EYS: variants seen among roughly 807,000 people sequenced by gnomAD.
EYS encodes protein eyes shut homolog.
EYS carries 250 observed loss-of-function variants against 282.1 expected under a neutral mutation model. The observed-to-expected ratio is 0.89, with a 90% CI of 0.80 to 0.98. EYS has a LOEUF of 0.98. Ranked by LOEUF, EYS falls within the 50% of genes least tolerant of loss-of-function variation. The pLI is 0.00. For synonymous variants in EYS, 1,355 were observed against 1,282.9 expected, an observed-to-expected ratio of 1.06 and a Z score of -1.20; for missense variants, 4,016 against 3,709.0, an observed-to-expected ratio of 1.08 and a Z score of -2.15.
chr6:65,416,621 C>T (rs1767249699), intron 5 of EYS, among the ~76,000 whole-genome samples: 2 of 151,814 alleles, frequency 1.3e-5, no homozygotes, highest in African/African-American at 4.8e-5. Flanking sequence ...TATTTTAGAC[C>T]ATTATGTTTT....
intron 12 of EYS, among the ~76,000 whole-genome samples, chr6:65,130,037 T>C (rs960820227): frequency 6.6e-6 from 1 of 151,930 alleles, no homozygotes; most frequent in Non-Finnish European, 1.5e-5. Flanking sequence ...GCCATTATAC[T>C]AAGTGAAGTA....
intron 22 of EYS, among the ~76,000 whole-genome samples, chr6:64,677,705 T>C (rs1769743533): frequency 6.6e-6 from 1 of 152,152 alleles, no homozygotes; most frequent in African/African-American, 2.4e-5. Context: ...CACTGAGGGT[T>C]CTGTAAAAAT....
At position 63,720,532 on chromosome 6, in the gene EYS, A is replaced by G. The variant is rs1477265688; in HGVS notation, c.*64T>C. 1 of 1,230,680 alleles carries G rather than the reference A, an allele frequency of 8.1e-7. No individual in the cohort carries two copies. Among genetic ancestry groups the G allele is most frequent in the Non-Finnish European group, 1.1e-6 (1 of 907,764 alleles). 76.2% of individuals were successfully genotyped at this position (1,230,680 alleles called of 1,614,324 possible). The stretch of plus-strand genomic sequence containing the variant: ...GTTGATTCCCCGTAAGCAATGTATC[A>G]AAGAAATAACTATCAAAATAACTGC... On this transcript the variant is annotated 3_prime_UTR_variant, in exon 43 of 43. Coordinates refer to ENST00000503581, the MANE Select transcript of EYS (RefSeq NM_001142800.2).
chr6:65,485,150 G>A (rs1195823410), intron 5 of EYS, among the ~76,000 whole-genome samples: 6 of 152,168 alleles, frequency 3.9e-5, no homozygotes, highest in Admixed American at 6.5e-5. Flanking sequence ...GAAAATCAAT[G>A]ATGAATATGT....
In EYS at chr6:64,292,801, A is replaced by G. The variant is rs184604729; in HGVS notation, c.6191+14169T>C. 7.2e-5 allele frequency among the ~76,000 whole-genome samples: 11 copies of G among 152,214 alleles called. No homozygotes were observed. The East Asian group carries it at 2.1e-3, about 29-fold the overall frequency. The stretch of plus-strand genomic sequence containing the variant: ...AATAACAATAACTAGAAATGATAAC[A>G]TATATGCTATGTATTTGGCCCCATT... On this transcript the variant is annotated intron_variant, in intron 30 of 42. Transcript: ENST00000503581.
chr6:65,436,192 T>G (rs954290616), intron 5 of EYS, among the ~76,000 whole-genome samples: 6 of 152,188 alleles, frequency 3.9e-5, no homozygotes, highest in African/African-American at 1.4e-4. Context: ...GCTCATCTTT[T>G]TGGATGCTGG....
intron 31 of EYS, among the ~76,000 whole-genome samples, chr6:64,139,978 T>C (rs966010070): frequency 7.4e-6 from 1 of 135,710 alleles, no homozygotes; most frequent in Non-Finnish European, 1.5e-5. Context: ...AATAAATAAA[T>C]AAATAAATAA....
chr6:65,191,582 T>G (rs1373656981), intron 12 of EYS, among the ~76,000 whole-genome samples: 6 of 151,844 alleles, frequency 4.0e-5, no homozygotes, highest in Non-Finnish European at 8.8e-5. Context: ...TTACATGAGA[T>G]GAAAAGCAAT....
intron 22 of EYS, among the ~76,000 whole-genome samples, chr6:64,689,707 A>T (rs970131214): frequency 6.6e-6 from 1 of 152,200 alleles, no homozygotes; most frequent in Non-Finnish European, 1.5e-5. Flanking sequence ...GACAAACCTG[A>T]CAAAAACAAG....
At chr6:64,128,442 TA>T (rs1773856447) in intron 31 of EYS, among the ~76,000 whole-genome samples, 1 of 152,152 alleles carries the variant, frequency 6.6e-6, no homozygotes, top group South Asian at 2.1e-4. Flanking sequence ...TAAAGGAAGA[TA>T]CTATCCCTCA....
At chr6:64,043,522 T>A (rs1363530263) in intron 33 of EYS, among the ~76,000 whole-genome samples, 1 of 152,250 alleles carries the variant, frequency 6.6e-6, no homozygotes, top group Non-Finnish European at 1.5e-5. Flanking sequence ...GAGCCAATGC[T>A]GAGTTCAAAG....
chr6:64,074,624 T>C (rs370313669), intron 32 of EYS, among the ~76,000 whole-genome samples: 10 of 151,880 alleles, frequency 6.6e-5, no homozygotes, highest in Non-Finnish European at 1.2e-4. Flanking sequence ...AAGAGGTTCA[T>C]TGGTTATCGG....
intron 8 of EYS, among the ~76,000 whole-genome samples, chr6:65,379,075 AAC>A (rs1367161173): frequency 6.6e-6 from 1 of 151,806 alleles, no homozygotes; most frequent in Non-Finnish European, 1.5e-5. Context: ...AATAAAATAA[AAC>A]AGAAAAAAAA....
intron 1 of EYS, among the ~76,000 whole-genome samples, chr6:65,658,391 T>C (rs13201457): frequency 6.6e-6 from 1 of 151,732 alleles, no homozygotes; most frequent in African/African-American, 2.4e-5. Context: ...GCAACAGATG[T>C]ATCATGGGGA....
At chr6:63,750,797 A>G (rs1769323857) in intron 41 of EYS, among the ~76,000 whole-genome samples, 1 of 152,188 alleles carries the variant, frequency 6.6e-6, no homozygotes, top group African/African-American at 2.4e-5. Context: ...CCTTAGTGCT[A>G]TAGATTCTCA....
intron 40 of EYS, among the ~76,000 whole-genome samples, chr6:63,773,481 A>T (rs1359293588): frequency 2.6e-5 from 4 of 152,220 alleles, no homozygotes; most frequent in African/African-American, 9.6e-5. Flanking sequence ...ATAGAGTAGT[A>T]CAATTAATTT....
chr6:64,973,235 A>C (rs1285649342), intron 14 of EYS, among the ~76,000 whole-genome samples: 1 of 152,074 alleles, frequency 6.6e-6, no homozygotes, highest in Non-Finnish European at 1.5e-5. Context: ...TAGGAAAGAC[A>C]TCTTGTTGAT....
chr6:64,933,462 A>T (rs1186748704), intron 15 of EYS, among the ~76,000 whole-genome samples: 2 of 152,144 alleles, frequency 1.3e-5, no homozygotes, highest in Non-Finnish European at 2.9e-5. Flanking sequence ...TAGAATGGCA[A>T]TCATTAAAAA....
rs78509925 is a variant in EYS, at chr6:65,191,627, C to T, written c.2023+104236G>A. Among the ~76,000 whole-genome samples, 667 of 151,892 alleles carry T rather than the reference C, an allele frequency of 4.4e-3. 3 individuals carry two copies. The highest frequency in any genetic ancestry group is 7.6e-3 in the Admixed American group (115 of 15,212). The stretch of plus-strand genomic sequence containing the variant: ...ATCAGCTAAACCACAATAAAAATTA[C>T]GCATGCATCACAGCATTGGGAGAGA... On this transcript the variant is annotated intron_variant, in intron 12 of 42. Transcript: ENST00000503581.
Sources: allele counts gnomAD v4.1 joint callset (sites outside exome capture counted in the v4.1 genomes callset), GRCh38; gene constraint gnomAD v4.1.1; transcripts MANE v1.5; gene names NCBI Gene and HGNC (gene_info 2026-07-23, HGNC 2026-07-21).